IL31RA: variants seen among roughly 807,000 people sequenced by gnomAD.
IL31RA encodes interleukin-31 receptor subunit alpha.
IL31RA carries 66 observed loss-of-function variants against 83.7 expected under a neutral mutation model. That is an observed-to-expected ratio of 0.79 (90% CI 0.65 to 0.97). The LOEUF (loss-of-function observed/expected upper bound fraction) is 0.97, where lower values mean the gene tolerates loss of function less well. IL31RA is among the 50% of genes least tolerant of loss of function. The pLI is 0.00. For missense variants in IL31RA, 798 were observed against 919.4 expected, an observed-to-expected ratio of 0.87 and a Z score of 1.71; for synonymous variants, 325 against 329.0, an observed-to-expected ratio of 0.99 and a Z score of 0.13.
upstream of IL31RA, among the ~76,000 whole-genome samples, chr5:55,850,856 C>T (rs1178100575): frequency 2.0e-5 from 3 of 151,944 alleles, no homozygotes; most frequent in Middle Eastern, 3.4e-3. Context: ...TTTGGGAGGC[C>T]GAGGCAGGTG....
chr5:55,872,568 G>A (rs890728237), intron 4 of IL31RA, 117 bp downstream of exon 4: 1 of 352,230 alleles, frequency 2.8e-6, no homozygotes, highest in Non-Finnish European at 5.1e-6. Context: ...ATGTGTTGTG[G>A]GTATACAGAA....
In IL31RA at chr5:55,854,099, G is replaced by A. The variant is rs77237137; in HGVS notation, c.63+2466G>A. ...GAGATGAGTAATACAAACCCTACAC[G>A]GATTTTTAGAAGTACAGGATGTAAT... On this transcript the variant is annotated intron_variant, in intron 1 of 14. Transcript: ENST00000652347. Among the ~76,000 whole-genome samples the A allele has an allele frequency of 2.8e-3, 428 of 152,266 alleles. 9 individuals are homozygous for A. The highest frequency in any genetic ancestry group is 0.015 in the Admixed American group (233 of 15,292).
intron 5 of IL31RA, among the ~76,000 whole-genome samples, chr5:55,883,631 C>A (rs555265051): frequency 6.6e-6 from 1 of 152,160 alleles, no homozygotes; most frequent in African/African-American, 2.4e-5. Flanking sequence ...GAAACCACTG[C>A]GGCCAAGAAT....
In IL31RA at chr5:55,922,505, T is replaced by C. The variant is rs1750141086; in HGVS notation, c.*5385T>C. 4.7e-6 allele frequency: 6 copies of C among 1,285,892 alleles called. No homozygotes were observed. The highest frequency in any genetic ancestry group is 3.0e-5 in the African/African-American group (2 of 67,714). The allele number at this position is 1,285,892 out of a possible 1,614,324, so 79.7% of individuals were successfully genotyped here. A position where few individuals can be genotyped will look rare whatever the true frequency, so the allele number is the denominator to read the frequency against. On this transcript the variant is annotated 3_prime_UTR_variant, in exon 15 of 15. Transcript: ENST00000652347. ...GAAAGGACATGCAGAGTTTTCCAACTAGGAAGACTGAATCTGTGGCCCCAA... is the reference window on the plus strand; with the variant it reads ...GAAAGGACATGCAGAGTTTTCCAACCAGGAAGACTGAATCTGTGGCCCCAA...
chr5:55,872,448 ATAGGT>A lies in IL31RA; in HGVS notation c.452_454+2del. On this transcript the variant is annotated splice_donor_variant and coding_sequence_variant, in exon 4 of 15. Transcript: ENST00000652347. LOFTEE classifies it high-confidence loss of function. Reference sequence around the variant, plus strand: ...TATGACATACTGGAGATTAGAGAACATAGGTAAGTGTTATTTGATACTCTTATATA... The same window carrying A: ...TATGACATACTGGAGATTAGAGAACAAAGTGTTATTTGATACTCTTATATA... 1 of 1,590,406 alleles carries A rather than the reference ATAGGT, an allele frequency of 6.3e-7. No homozygotes were observed. Among genetic ancestry groups the A allele is most frequent in the African/African-American group, 1.3e-5 (1 of 74,462 alleles).
chr5:55,875,961 A>G (rs963297288), intron 4 of IL31RA, among the ~76,000 whole-genome samples: 1 of 152,158 alleles, frequency 6.6e-6, no homozygotes, highest in African/African-American at 2.4e-5. Flanking sequence ...TAATCCTTTA[A>G]TGAAAGCATT....
At chr5:55,847,282 A>C (rs1468883446), upstream of IL31RA, among the ~76,000 whole-genome samples, 1 of 146,544 alleles carries the variant, frequency 6.8e-6, no homozygotes, top group Non-Finnish European at 1.5e-5. Flanking sequence ...TAAATAAATA[A>C]ATAAAAAGAA....
chr5:55,889,871 C>T (rs978856465), intron 5 of IL31RA, 99 bp from the exon 6 acceptor site: 1 of 1,018,830 alleles, frequency 9.8e-7, no homozygotes, highest in Non-Finnish European at 1.5e-6. Flanking sequence ...TAGAGTGTTA[C>T]TAGTTCTAAA....
At chr5:55,908,569 C>G in intron 11 of IL31RA, 158 bp downstream of exon 11, 1 of 1,558,910 alleles carries the variant, frequency 6.4e-7, no homozygotes, top group East Asian at 2.4e-5. Context: ...GGGCCAAGAG[C>G]ACCCACCTTT....
chr5:55,909,786 C>A (rs968132956), intron 11 of IL31RA, among the ~76,000 whole-genome samples: 3 of 151,190 alleles, frequency 2.0e-5, no homozygotes, highest in Admixed American at 2.0e-4. Context: ...CTCGCTGCAA[C>A]CTCCACCTCC....
intron 7 of IL31RA, among the ~76,000 whole-genome samples, chr5:55,897,708 GAGA>G (rs1227991322): frequency 6.6e-6 from 1 of 152,072 alleles, no homozygotes; most frequent in African/African-American, 2.4e-5. Context: ...AGGGAAGTGA[GAGA>G]AGGAGTAGAA....
At chr5:55,862,079 TAGAA>T (rs1343798874) in intron 2 of IL31RA, among the ~76,000 whole-genome samples, 2 of 152,200 alleles carry the variant, frequency 1.3e-5, no homozygotes, top group Non-Finnish European at 2.9e-5. Flanking sequence ...CCCTTATTTC[TAGAA>T]ATAGGGGAAT....
chr5:55,904,081 ATTCCTCTTTTCTTATAAAGGGCCCAC>A (rs1290099794), intron 8 of IL31RA, among the ~76,000 whole-genome samples: 1 of 152,062 alleles, frequency 6.6e-6, no homozygotes, highest in Non-Finnish European at 1.5e-5. Flanking sequence ...CCATGCCCAG[ATTCCTCTTTTCTTATAAAGGGCCCAC>A]TGTCTTAACT....
intron 8 of IL31RA, among the ~76,000 whole-genome samples, chr5:55,901,328 C>T (rs1430006916): frequency 6.6e-6 from 1 of 152,056 alleles, no homozygotes; most frequent in Non-Finnish European, 1.5e-5. Context: ...CTCAGTTTCC[C>T]AGTGTGGCCC....
intron 2 of IL31RA, among the ~76,000 whole-genome samples, chr5:55,867,199 TTG>T (rs753774052): frequency 4.5e-4 from 48 of 106,768 alleles, no homozygotes; most frequent in African/African-American, 9.9e-4. Context: ...TTGTGTGTGT[TTG>T]TGTGTGTGCG....
intron 14 of IL31RA, among the ~76,000 whole-genome samples, chr5:55,916,202 A>G (rs1749768916): frequency 6.6e-6 from 1 of 152,064 alleles, no homozygotes; most frequent in Non-Finnish European, 1.5e-5. Context: ...GTAACATGAC[A>G]AAACCCCATC....
At chr5:55,910,288 C>T (rs1424822249) in intron 11 of IL31RA, among the ~76,000 whole-genome samples, 1 of 152,072 alleles carries the variant, frequency 6.6e-6, no homozygotes. Context: ...ATCAAAGAAA[C>T]CATTGTGAAA....
chr5:55,898,486 T>C (rs1748574688), intron 7 of IL31RA, among the ~76,000 whole-genome samples: 1 of 152,064 alleles, frequency 6.6e-6, no homozygotes, highest in African/African-American at 2.4e-5. Context: ...GTGAATTTTA[T>C]GGAATGTGAA....
Position 55,889,957 on chromosome 5 carries a change from C to T in IL31RA, c.607-13C>T. On this transcript the variant is annotated splice_polypyrimidine_tract_variant and intron_variant, in intron 5 of 14. Transcript: ENST00000652347. ...GGTCTCCATTTCAGTTTAGGATTGT[C>T]TCTGTCTTGTAGATGGAAGTCAACT... 1 of 1,613,686 alleles carries T rather than the reference C, an allele frequency of 6.2e-7. No individual in the cohort carries two copies. Among genetic ancestry groups the T allele is most frequent in the Non-Finnish European group, 8.5e-7 (1 of 1,179,614 alleles).
Sources: allele counts gnomAD v4.1 joint callset (sites outside exome capture counted in the v4.1 genomes callset), GRCh38; gene constraint gnomAD v4.1.1; transcripts MANE v1.5; gene names NCBI Gene and HGNC (gene_info 2026-07-23, HGNC 2026-07-21).